Variants in SERINC5 observed in about 807,000 individuals in gnomAD.
SERINC5 encodes the protein serine incorporator 5.
In SERINC5, 41 loss-of-function variants were observed where a neutral mutation model predicts 63.1. The observed-to-expected ratio is 0.65, with a 90% confidence interval of 0.51 to 0.84. SERINC5 has a LOEUF of 0.84. Among genes scored for constraint, SERINC5 ranks in the 40% least tolerant of loss-of-function variants. SERINC5 has a pLI of 0.00. For synonymous variants in SERINC5, 222 were observed against 215.2 expected (o/e 1.03, Z -0.28); for missense variants, 523 against 573.0 (o/e 0.91, Z 0.89).
chr5:80,181,960 A>G (rs1748457951), intron 2 of SERINC5, among the ~76,000 whole-genome samples: 1 of 152,078 alleles, frequency 6.6e-6, no homozygotes, highest in African/African-American at 2.4e-5. Flanking sequence ...CCCTTTTCCT[A>G]TTCCCTTTCT....
intron 11 of SERINC5, among the ~76,000 whole-genome samples, chr5:80,145,721 C>T (rs1278785465): frequency 2.0e-5 from 3 of 152,230 alleles, no homozygotes; most frequent in South Asian, 2.1e-4. Context: ...TTAAAACATA[C>T]CCATCCACTG....
At position 80,119,783 on chromosome 5, in the gene SERINC5, T is replaced by C. The variant is rs146278096; in HGVS notation, c.1239-6158A>G. The stretch of plus-strand genomic sequence containing the variant: ...CCAGAGAGCTTGTTTAAATGCACAT[T>C]TTTGGGCCTCTACCAGGCTGGTTAA... On this transcript the variant is annotated intron_variant, in intron 11 of 12. Transcript: ENST00000509193. 4.1e-4 allele frequency among the ~76,000 whole-genome samples: 63 copies of C among 152,262 alleles called. No homozygotes were observed. In the East Asian group the frequency reaches 0.011, roughly 27 times the overall value.
intron 1 of SERINC5, among the ~76,000 whole-genome samples, chr5:80,203,785 C>G (rs989272070): frequency 2.6e-5 from 4 of 152,128 alleles, no homozygotes; most frequent in African/African-American, 9.7e-5. Context: ...CATACCAGAG[C>G]TTGTACTAAT....
At chr5:80,208,539 T>C (rs1191703581) in intron 1 of SERINC5, among the ~76,000 whole-genome samples, 1 of 152,150 alleles carries the variant, frequency 6.6e-6, no homozygotes, top group Non-Finnish European at 1.5e-5. Context: ...ATCTCCTCCA[T>C]GGGAACAAGT....
intron 2 of SERINC5, among the ~76,000 whole-genome samples, chr5:80,200,343 A>G (rs1353141382): frequency 6.9e-6 from 1 of 144,604 alleles, no homozygotes; most frequent in East Asian, 2.0e-4. Context: ...AAAATTAGCC[A>G]GGCGTGGTGG....
intron 2 of SERINC5, among the ~76,000 whole-genome samples, chr5:80,183,133 T>TG (rs1323236099): frequency 1.4e-5 from 2 of 144,022 alleles, no homozygotes; most frequent in African/African-American, 5.9e-5. Context: ...TGAAGGCCAC[T>TG]GGGAACAGGT....
intron 9 of SERINC5, among the ~76,000 whole-genome samples, chr5:80,150,453 T>G (rs1042395620): frequency 5.3e-5 from 8 of 152,238 alleles, no homozygotes; most frequent in African/African-American, 1.9e-4. Context: ...TTTATTTTTT[T>G]GAGTCAAAGT....
intron 2 of SERINC5, among the ~76,000 whole-genome samples, chr5:80,199,372 T>G (rs1389683723): frequency 1.3e-5 from 2 of 152,152 alleles, no homozygotes; most frequent in Non-Finnish European, 2.9e-5. Context: ...GCTGATGAAG[T>G]AAGAAAATAC....
intron 1 of SERINC5, chr5:80,203,261 T>C (rs1299610676): frequency 2.2e-5 from 6 of 268,302 alleles, no homozygotes; most frequent in African/African-American, 8.9e-5. Context: ...TATACACATA[T>C]ATATATATAT....
intron 1 of SERINC5, among the ~76,000 whole-genome samples, chr5:80,218,515 G>A (rs1374643906): frequency 1.3e-5 from 2 of 151,946 alleles, no homozygotes; most frequent in East Asian, 3.9e-4. Context: ...ACTCCAGCCT[G>A]GGCAACAAGA....
At chr5:80,232,915 A>G (rs67775046) in intron 1 of SERINC5, among the ~76,000 whole-genome samples, 33,899 of 152,132 alleles carry the variant, frequency 0.22, 4,593 homozygotes, top group African/African-American at 0.38. Context: ...AAACGTCTAC[A>G]AAAGCCCATA....
At position 80,183,281 on chromosome 5, in the gene SERINC5, C is replaced by A. The variant is rs80178249; in HGVS notation, c.196-5217G>T. Among the ~76,000 whole-genome samples, 6 of 152,100 alleles carry A rather than the reference C, an allele frequency of 3.9e-5. No homozygotes were observed. The East Asian group carries it at 1.2e-3, about 29-fold the overall frequency. ...TTTTCTTCTTTTTTTATGGCATTGCCGTTTGGGGTGGAGGGAGGGTGGAGG... is the reference window on the plus strand; with the variant it reads ...TTTTCTTCTTTTTTTATGGCATTGCAGTTTGGGGTGGAGGGAGGGTGGAGG... On this transcript the variant is annotated intron_variant, in intron 2 of 11. Transcript: ENST00000507668.
chr5:80,219,024 GATTA>G (rs1209854224), intron 1 of SERINC5, among the ~76,000 whole-genome samples: 2 of 152,136 alleles, frequency 1.3e-5, no homozygotes, highest in African/African-American at 4.8e-5. Flanking sequence ...AATAAAAGAT[GATTA>G]TTTCAAGTCT....
intron 1 of SERINC5, among the ~76,000 whole-genome samples, chr5:80,252,836 C>T (rs1434372798): frequency 6.6e-6 from 1 of 152,156 alleles, no homozygotes; most frequent in African/African-American, 2.4e-5. Flanking sequence ...AATTGAAACC[C>T]AGGCCTGAGT....
chr5:80,216,094 A>C (rs1750649067), intron 1 of SERINC5, among the ~76,000 whole-genome samples: 1 of 152,330 alleles, frequency 6.6e-6, no homozygotes, highest in Admixed American at 6.5e-5. Flanking sequence ...GGTTGAGGGT[A>C]AACAACATCC....
chr5:80,217,827 C>G (rs945462119), intron 1 of SERINC5, among the ~76,000 whole-genome samples: 2 of 152,120 alleles, frequency 1.3e-5, no homozygotes, highest in African/African-American at 4.8e-5. Flanking sequence ...AGTCCCTGAT[C>G]TAGTCCAGTC....
intron 7 of SERINC5, among the ~76,000 whole-genome samples, chr5:80,165,641 G>A (rs1054075302): frequency 6.6e-6 from 1 of 152,112 alleles, no homozygotes; most frequent in African/African-American, 2.4e-5. Flanking sequence ...CATTTAAGAC[G>A]AGTGGTTTGA....
chr5:80,130,704 T>TCCTTTAAAAGTG (rs1176541029), intron 11 of SERINC5, among the ~76,000 whole-genome samples: 2 of 152,230 alleles, frequency 1.3e-5, no homozygotes, highest in Non-Finnish European at 1.5e-5. Flanking sequence ...CATTTAAAAG[T>TCCTTTAAAAGTG]CCTTCACAAG....
At chr5:80,192,198 G>A (rs188170080) in intron 2 of SERINC5, among the ~76,000 whole-genome samples, 1 of 152,318 alleles carries the variant, frequency 6.6e-6, no homozygotes, top group East Asian at 1.9e-4. Context: ...GAATAGATGA[G>A]GAGTTGTGGC....
Sources: gnomAD v4.1 joint callset for allele counts (sites outside exome capture counted in the v4.1 genomes callset) on GRCh38, gnomAD v4.1.1 for gene constraint, MANE v1.5 for transcripts, NCBI Gene and HGNC (gene_info 2026-07-23, HGNC 2026-07-21) for gene names.